The following CRYBG2 variants were observed in gnomAD, a reference collection of about 807,000 sequenced individuals.
The protein encoded by CRYBG2 is beta/gamma crystallin domain-containing protein 2.
CRYBG2 carries 106 observed loss-of-function variants against 153.4 expected under a neutral mutation model. The observed-to-expected ratio is 0.69, with a 90% CI of 0.59 to 0.81. The LOEUF is 0.81. Ranked by LOEUF, CRYBG2 falls within the 30% of genes least tolerant of loss-of-function variation. The probability of loss-of-function intolerance (pLI) is 0.00; values close to 1 mark genes in which losing one functional copy is unlikely to be tolerated. For missense variants in CRYBG2, 1,996 were observed against 2,112.0 expected (o/e 0.95, Z 1.08); for synonymous variants, 851 against 877.8 (o/e 0.97, Z 0.54).
In CRYBG2 at chr1:26,328,857, G is replaced by C. The variant is rs781463321; in HGVS notation, c.4331C>G (p.Ser1444Cys). Residue 1444 changes from serine to cysteine, a missense_variant, in exon 16 of 20, where the codon TCC becomes TGC. By Grantham distance (112) the Ser-to-Cys change is moderately radical. Coordinates refer to ENST00000308182, the MANE Select transcript of CRYBG2 (RefSeq NM_001039775.4). ...QKVSLHFSEP[S>C]IFLYGLECFE... Reference sequence around the variant, plus strand: ...GCACTCGAGTCCATACAGGAAAATGGAAGGCTCTGAAAAGTGCTGGGGCCC... The same window carrying C: ...GCACTCGAGTCCATACAGGAAAATGCAAGGCTCTGAAAAGTGCTGGGGCCC... The C allele has an allele frequency of 2.0e-5, 32 of 1,613,964 alleles. No individual in the cohort carries two copies. The highest frequency in any genetic ancestry group is 2.6e-5 in the Non-Finnish European group (31 of 1,180,024).
In CRYBG2 at chr1:26,336,522, C is replaced by T. The variant is rs780290025; in HGVS notation, c.4038+84G>A. 16 of 1,544,420 alleles carry T rather than the reference C, an allele frequency of 1.0e-5. No individual in the cohort carries two copies. The highest frequency in any genetic ancestry group is 4.0e-5 in the Admixed American group (2 of 49,924). ...AAGCGCCCAGGCAGGTCCTCCAGCC[C>T]GCTACCTCTGCGTGGGGGCGGGGCG... On this transcript the variant is annotated intron_variant, in intron 12 of 19. Transcript: ENST00000308182. This position sits in a 1 kb window ranked among gnomAD's most constrained non-coding sequence, Gnocchi z 4.9.
At chr1:26,348,551 A>G (rs1557721794) in intron 1 of CRYBG2, among the ~76,000 whole-genome samples, 1 of 151,302 alleles carries the variant, frequency 6.6e-6, no homozygotes, top group Non-Finnish European at 1.5e-5. Flanking sequence ...TCTTATCGCT[A>G]AGAAAAGTTA....
chr1:26,338,462 G>A lies in CRYBG2; in HGVS notation c.3360C>T (p.Pro1120=), dbSNP rs2074089504. The A allele has an allele frequency of 6.2e-7, 1 of 1,610,474 alleles. No homozygotes were observed. The change falls in exon 7 of 20, where the codon CCC becomes CCT. Residue 1120 remains proline, a synonymous_variant. Transcript: ENST00000308182. ...TVSAGLWLLY[P]KPLFEDTPYI... is the part of the protein sequence containing the mutation. ...AGGGAGTGTCTTCGAATAATGGTTT[G>A]GGGTACAGTAGCCACCTAGGGGAAA...
Position 26,344,019 on chromosome 1 carries a change from A to G in CRYBG2, c.2639T>C (p.Val880Ala). 2 of 1,536,102 alleles carry G rather than the reference A, an allele frequency of 1.3e-6. No homozygotes were observed. The highest frequency in any genetic ancestry group is 1.7e-6 in the Non-Finnish European group (2 of 1,146,870). ...CSPLEMMKKHVAGTKGPHSEL... is the reference protein window; with the variant it reads ...CSPLEMMKKHAAGTKGPHSEL... ...TGAGTGGGGGCCCTTGGTTCCTGCT[A>G]CATGCTTCTTCATCATCTCCAGAGG... Residue 880 changes from valine to alanine, a missense_variant, in exon 2 of 20, where the codon GTA becomes GCA. Transcript: ENST00000308182.
Position 26,328,732 on chromosome 1 carries a change from A to G in CRYBG2, c.4454+2T>C. 1 of 1,612,320 alleles carries G rather than the reference A, an allele frequency of 6.2e-7. No homozygotes were observed. Among genetic ancestry groups the G allele is most frequent in the Non-Finnish European group, 8.5e-7 (1 of 1,179,168 alleles). Reference sequence around the variant, plus strand: ...GCACCCATGCCTCCCCTCAGCACTCACATGCCCCCCTTGATCCGCACAGAC... The same window carrying G: ...GCACCCATGCCTCCCCTCAGCACTCGCATGCCCCCCTTGATCCGCACAGAC... On this transcript the variant is annotated splice_donor_variant, in intron 16 of 19. Transcript: ENST00000308182. LOFTEE classifies it high-confidence loss of function.
At chr1:26,331,723 C>T in intron 14 of CRYBG2, 105 bp from the exon 15 acceptor site, 1 of 1,479,784 alleles carries the variant, frequency 6.8e-7, no homozygotes, top group Non-Finnish European at 9.2e-7. Context: ...TCATGATCCC[C>T]TGTCCCAGGG....
In CRYBG2 at chr1:26,328,828, C is replaced by G. The variant is rs147638674; in HGVS notation, c.4360G>C (p.Glu1454Gln). 3,773 of 1,614,102 alleles carry G rather than the reference C, an allele frequency of 2.3e-3. 9 individuals are homozygous for G. The highest frequency in any genetic ancestry group is 3.0e-3 in the Non-Finnish European group (3,586 of 1,180,028). Residue 1454 changes from glutamate (E) to glutamine (Q), a missense_variant, in exon 16 of 20, where the codon GAG becomes CAG. Physicochemically the swap from Glu to Gln is conservative, Grantham distance 29. Coordinates refer to ENST00000308182, the MANE Select transcript of CRYBG2 (RefSeq NM_001039775.4). ...CTGCTGAGCTCGATCTCCTTCCCCT[C>G]GAAGCACTCGAGTCCATACAGGAAA... ...SIFLYGLECF[E>Q]GKEIELSREV...
At position 26,345,196 on chromosome 1, in the gene CRYBG2, C is replaced by G; in HGVS notation, c.1462G>C (p.Ala488Pro). Residue 488 changes from alanine to proline, a missense_variant, in exon 2 of 20, where the codon GCT (alanine) becomes CCT (proline). Ala to Pro is a conservative substitution (Grantham distance 27). Coordinates refer to ENST00000308182, the MANE Select transcript of CRYBG2 (RefSeq NM_001039775.4). ...KEVVQGSSAS[A>P]ASSPTWKEVV... ...TCTTTCCAGGTGGGGGACGAGGCAG[C>G]AGAAGCACTGGACCCCTGCACCACC... 7.0e-7 allele frequency: 1 copy of G among 1,428,050 alleles called. No individual in the cohort carries two copies. The highest frequency in any genetic ancestry group is 1.3e-5 in the South Asian group (1 of 78,698). 88.5% of individuals were successfully genotyped at this position (1,428,050 alleles called of 1,614,324 possible).
At chr1:26,335,033 C>T (rs76990451) in intron 14 of CRYBG2, among the ~76,000 whole-genome samples, 4 of 151,968 alleles carry the variant, frequency 2.6e-5, no homozygotes, top group Non-Finnish European at 5.9e-5. Flanking sequence ...AACTTTGAAA[C>T]ACCTAGCATG....
At position 26,345,904 on chromosome 1, in the gene CRYBG2, G is replaced by A. The variant is rs777311760; in HGVS notation, c.754C>T (p.His252Tyr). The change falls in exon 2 of 20, where the codon CAC becomes TAC. Residue 252 changes from histidine (H) to tyrosine (Y), a missense_variant. Coordinates refer to ENST00000308182, the MANE Select transcript of CRYBG2 (RefSeq NM_001039775.4). ...VPAGHSPPASHLPRPTAGGPR... is the reference protein window; with the variant it reads ...VPAGHSPPASYLPRPTAGGPR... Reference sequence around the variant, plus strand: ...CCGCCAGCCGTGGGCCTGGGCAGGTGACTGGCAGGGGGGCTGTGCCCAGCA... The same window carrying A: ...CCGCCAGCCGTGGGCCTGGGCAGGTAACTGGCAGGGGGGCTGTGCCCAGCA... The A allele has an allele frequency of 6.9e-6, 11 of 1,597,554 alleles. No individual in the cohort carries two copies. Among genetic ancestry groups the A allele is most frequent in the Non-Finnish European group, 3.4e-6 (4 of 1,179,392 alleles).
intron 1 of CRYBG2, among the ~76,000 whole-genome samples, chr1:26,351,195 C>T (rs1160793752): frequency 6.6e-6 from 1 of 152,140 alleles, no homozygotes; most frequent in Non-Finnish European, 1.5e-5. Flanking sequence ...AGGCCCCAGC[C>T]CACTCCCCTG....
At position 26,345,587 on chromosome 1, in the gene CRYBG2, G is replaced by C; in HGVS notation, c.1071C>G (p.Leu357=). 6.2e-7 allele frequency: 1 copy of C among 1,602,440 alleles called. No homozygotes were observed. Residue 357 remains leucine (L), a synonymous_variant, in exon 2 of 20, where the codon CTC becomes CTG. Transcript: ENST00000308182. The part of the protein sequence containing the change: ...GQASVPSSPR[L]ETHVPSPGLT... ...GGCCAGGAGAGGGGACATGGGTCTC[G>C]AGTCTGGGAGAGGAGGGGACTGATG...
In CRYBG2 at chr1:26,336,855, G is replaced by A. The variant is rs1008181930; in HGVS notation, c.3897C>T (p.His1299=). 6.2e-7 allele frequency: 1 copy of A among 1,600,894 alleles called. No individual in the cohort carries two copies. Among genetic ancestry groups the A allele is most frequent in the Non-Finnish European group, 8.5e-7 (1 of 1,174,590 alleles). Residue 1299 remains histidine, a synonymous_variant, in exon 11 of 20, where the codon CAC becomes CAT. Coordinates refer to ENST00000308182, the MANE Select transcript of CRYBG2 (RefSeq NM_001039775.4). This position sits in a 1 kb window ranked among gnomAD's most constrained non-coding sequence, Gnocchi z 4.9. ...VQHGPSTQAI[H]VLSGVWVAYQ... is the part of the protein sequence containing the mutation. ...GGGTCACTTACACGCCGCTGAGCAC[G>A]TGGATGGCCTGTGTGCTGGGGCCGT...
In CRYBG2 at chr1:26,345,575, G is replaced by A. The variant is rs747259048; in HGVS notation, c.1083C>T (p.Val361=). 18 of 1,605,136 alleles carry A rather than the reference G, an allele frequency of 1.1e-5. No homozygotes were observed. Among genetic ancestry groups the A allele is most frequent in the Admixed American group, 1.7e-5 (1 of 59,958 alleles). ...VPSSPRLETH[V]PSPGLTHPAK... ...CAGGGTGAGTTAGGCCAGGAGAGGG[G>A]ACATGGGTCTCGAGTCTGGGAGAGG... Residue 361 remains valine, a synonymous_variant, in exon 2 of 20, where the codon GTC becomes GTT. Transcript: ENST00000308182.
rs1270108569 is a variant in CRYBG2 at position 26,346,700 on chromosome 1, G to A, written c.-43C>T. ...TGTCTGGAGGTGTCCTTGTCCCACT[G>A]TGGTCCAGCTCCCTGCAGAGGAATA... On this transcript the variant is annotated 5_prime_UTR_variant, in exon 2 of 20. Transcript: ENST00000308182. This position sits in a 1 kb window ranked among gnomAD's most constrained non-coding sequence, Gnocchi z 4.9. 6.8e-7 allele frequency: 1 copy of A among 1,479,168 alleles called. No individual in the cohort carries two copies. Among genetic ancestry groups the A allele is most frequent in the African/African-American group, 1.4e-5 (1 of 70,560 alleles). The allele number at this position is 1,479,168 out of a possible 1,614,324, so 91.6% of individuals were successfully genotyped here. A position where few individuals can be genotyped will look rare whatever the true frequency, so the allele number is the denominator to read the frequency against.
At chr1:26,332,210 G>GGCAGGAGAATGGCATGAAC (rs1368469771) in intron 14 of CRYBG2, among the ~76,000 whole-genome samples, 2 of 151,506 alleles carry the variant, frequency 1.3e-5, no homozygotes, top group Admixed American at 6.6e-5. Flanking sequence ...AGGAGGCTGA[G>GGCAGGAGAATGGCATGAAC]GCAGGAGAAT....
chr1:26,342,398 C>A (rs1441317616), intron 5 of CRYBG2, among the ~76,000 whole-genome samples: 1 of 152,106 alleles, frequency 6.6e-6, no homozygotes, highest in Admixed American at 6.5e-5. Context: ...CCCATAAGAT[C>A]TCTGCCAGGA....
chr1:26,322,782 G>C (rs1048375412), intron 18 of CRYBG2, among the ~76,000 whole-genome samples: 4 of 152,124 alleles, frequency 2.6e-5, no homozygotes, highest in African/African-American at 7.2e-5. Context: ...CCTGGCATGT[G>C]GTCAGCCATC....
chr1:26,331,366 C>T, intron 15 of CRYBG2, 123 bp downstream of exon 15: 2 of 1,388,460 alleles, frequency 1.4e-6, no homozygotes, highest in African/African-American at 1.4e-5. Context: ...GTCAAGGGGA[C>T]CTGGGGCAGT....
Sources: gnomAD v4.1 joint callset for allele counts (sites outside exome capture counted in the v4.1 genomes callset) on GRCh38, gnomAD v4.1.1 for gene constraint, Gnocchi (gnomAD v3.1) non-coding constraint, MANE v1.5 for transcripts, NCBI Gene and HGNC (gene_info 2026-07-23, HGNC 2026-07-21) for gene names.